ANKRD24: variants seen among roughly 807,000 people sequenced by gnomAD.
ANKRD24 encodes the protein ankyrin repeat domain-containing protein 24.
Under a neutral mutation model 127.8 loss-of-function variants are expected in ANKRD24, and 109 were observed. The observed-to-expected ratio is 0.85, with a 90% CI of 0.73 to 1.00. The LOEUF is 1.00. Ranked by LOEUF, ANKRD24 falls within the 50% of genes least tolerant of loss-of-function variation. The pLI is 0.00. For synonymous variants in ANKRD24, 743 were observed against 671.1 expected (o/e 1.11, Z -1.66); for missense variants, 1,648 against 1,570.2 (o/e 1.05, Z -0.84).
At position 4,217,167 on chromosome 19, in the gene ANKRD24, C is replaced by T. The variant is rs1970143544; in HGVS notation, c.2007C>T (p.Thr669=). ...AGQAEPPVTG[T]TNMEATGSRA... is the part of the protein sequence containing the mutation. The stretch of plus-strand genomic sequence containing the variant: ...AAGCAGAGCCCCCAGTCACAGGGAC[C>T]ACAAACATGGAGGCCACGGGCTCTA... The change falls in exon 18 of 22, where the codon ACC becomes ACT. Residue 669 remains threonine (T), a synonymous_variant. Coordinates refer to ENST00000318934, the MANE Select transcript of ANKRD24 (RefSeq NM_001393985.1). 3.7e-6 allele frequency: 6 copies of T among 1,612,916 alleles called. No homozygotes were observed. The South Asian group carries it at 5.5e-5, about 15-fold the overall frequency.
intron 2 of ANKRD24, among the ~76,000 whole-genome samples, chr19:4,191,600 G>A (rs987594247): frequency 5.3e-5 from 8 of 151,670 alleles, no homozygotes; most frequent in Non-Finnish European, 7.4e-5. Context: ...TCCTCTCTCA[G>A]CCTCCCGTGT....
intron 19 of ANKRD24, among the ~76,000 whole-genome samples, chr19:4,221,918 C>T (rs975471304): frequency 2.0e-5 from 3 of 152,184 alleles, no homozygotes; most frequent in Non-Finnish European, 2.9e-5. Context: ...TCCTCCAAGT[C>T]GTGACAACCA....
Position 4,216,179 on chromosome 19 carries a change from C to T in ANKRD24, c.1271-105C>T, listed in dbSNP as rs140402868. ...GTACTCATCCGTTTTTTAAATTCTG[C>T]TTGGCTGAGCCTGCCCTGGGAACCC... On this transcript the variant is annotated intron_variant, in intron 16 of 21. Transcript: ENST00000318934. 7.9e-5 allele frequency: 111 copies of T among 1,398,416 alleles called. No individual in the cohort carries two copies. The African/African-American group carries it at 1.5e-3, about 19-fold the overall frequency. 86.6% of individuals were successfully genotyped at this position (1,398,416 alleles called of 1,614,324 possible).
chr19:4,223,093 G>A (rs146950615), intron 20 of ANKRD24, among the ~76,000 whole-genome samples: 4,357 of 151,852 alleles, frequency 0.029, 207 homozygotes, highest in African/African-American at 0.1. Flanking sequence ...TTACAGGCAC[G>A]CACCACCACA....
At chr19:4,183,416 G>A (rs1967855200) in intron 1 of ANKRD24, 1 of 903,138 alleles carries the variant, frequency 1.1e-6, no homozygotes, top group South Asian at 5.1e-5. Flanking sequence ...GGGCACACTG[G>A]AGAGCAAAGG....
intron 5 of ANKRD24, 68 bp from the exon 6 acceptor site, chr19:4,201,958 T>C: frequency 7.2e-7 from 1 of 1,384,916 alleles, no homozygotes; most frequent in Admixed American, 1.7e-5. Context: ...GTAGTTGACA[T>C]GGCTTGGGGA....
At chr19:4,221,413 A>G (rs1198297743) in intron 19 of ANKRD24, among the ~76,000 whole-genome samples, 1 of 151,578 alleles carries the variant, frequency 6.6e-6, no homozygotes, top group Admixed American at 6.6e-5. Flanking sequence ...TTGTTTGGTA[A>G]GAGATGGGGT....
intron 5 of ANKRD24, 135 bp from the exon 6 acceptor site, chr19:4,201,891 A>G (rs1220250395): frequency 1.4e-5 from 10 of 740,588 alleles, no homozygotes; most frequent in Non-Finnish European, 2.1e-5. Context: ...CTGCAGGGAA[A>G]AAAGGAGAGA....
chr19:4,206,001 G>C (rs1030419761), intron 7 of ANKRD24, among the ~76,000 whole-genome samples: 18 of 151,280 alleles, frequency 1.2e-4, no homozygotes, highest in Admixed American at 6.6e-4. Flanking sequence ...AATTAGCCGG[G>C]TGTGGTGGCG....
intron 2 of ANKRD24, among the ~76,000 whole-genome samples, chr19:4,194,059 CT>C (rs1182793099): frequency 6.7e-6 from 1 of 149,960 alleles, no homozygotes; most frequent in Non-Finnish European, 1.5e-5. Flanking sequence ...ACTGTCTACA[CT>C]TTTTTCTTCA....
chr19:4,205,520 C>T (rs1009548238), intron 7 of ANKRD24, among the ~76,000 whole-genome samples: 3 of 152,152 alleles, frequency 2.0e-5, no homozygotes, highest in African/African-American at 4.8e-5. Flanking sequence ...CACTCTGGTC[C>T]TGGGCAAATG....
Position 4,216,535 on chromosome 19 carries a change from C to T in ANKRD24, c.1390-15C>T, listed in dbSNP as rs778783158. ...CAACTCCTGCCAGACTCCTGCCCCC[C>T]ACTCCACTCCCCAGATCCTGGAGAA... On this transcript the variant is annotated splice_polypyrimidine_tract_variant and intron_variant, in intron 17 of 21. Coordinates refer to ENST00000318934, the MANE Select transcript of ANKRD24 (RefSeq NM_001393985.1). 3 of 1,594,142 alleles carry T rather than the reference C, an allele frequency of 1.9e-6. No individual in the cohort carries two copies. Among genetic ancestry groups the T allele is most frequent in the South Asian group, 1.1e-5 (1 of 88,164 alleles).
At chr19:4,200,958 G>A (rs911950044) in intron 5 of ANKRD24, among the ~76,000 whole-genome samples, 1 of 152,182 alleles carries the variant, frequency 6.6e-6, no homozygotes, top group East Asian at 1.9e-4. Context: ...TGACTGAAGG[G>A]AACTGCTTGG....
At position 4,210,055 on chromosome 19, in the gene ANKRD24, C is replaced by A; in HGVS notation, c.871-3C>A. The A allele has an allele frequency of 6.2e-7, 1 of 1,608,880 alleles. No homozygotes were observed. Among genetic ancestry groups the A allele is most frequent in the Non-Finnish European group, 8.5e-7 (1 of 1,177,452 alleles). On this transcript the variant is annotated splice_polypyrimidine_tract_variant and splice_region_variant and intron_variant, in intron 11 of 21. Coordinates refer to ENST00000318934, the MANE Select transcript of ANKRD24 (RefSeq NM_001393985.1). ...CTTCACTCTCTCTCCCCTCCCTTCC[C>A]AGAACTCTATGTCCAGCCATGGAAA...
At position 4,216,969 on chromosome 19, in the gene ANKRD24, G is replaced by A. The variant is rs755262999; in HGVS notation, c.1809G>A (p.Gly603=). 5 of 1,612,576 alleles carry A rather than the reference G, an allele frequency of 3.1e-6. No individual in the cohort carries two copies. The highest frequency in any genetic ancestry group is 1.7e-5 in the Admixed American group (1 of 59,662). ...GAKVTETKPT[G]AEVREMETTE... The stretch of plus-strand genomic sequence containing the variant: ...AGGTCACAGAAACAAAACCCACAGG[G>A]GCTGAGGTCAGAGAAATGGAGACCA... The change falls in exon 18 of 22, where the codon GGG becomes GGA. Residue 603 remains glycine (G), a synonymous_variant. Coordinates refer to ENST00000318934, the MANE Select transcript of ANKRD24 (RefSeq NM_001393985.1).
rs778215536 is a variant in ANKRD24 at position 4,199,794 on chromosome 19, A to T, written c.123+25A>T. On this transcript the variant is annotated intron_variant, in intron 3 of 21. Coordinates refer to ENST00000318934, the MANE Select transcript of ANKRD24 (RefSeq NM_001393985.1). This position sits in a 1 kb window ranked among gnomAD's most constrained non-coding sequence, Gnocchi z 5.2. ...GGCAAGTGCCCAGGGGCAGGTGGTG[A>T]GAGCCCGGAGCCCCTGTCGGGGGCG... 1.3e-6 allele frequency: 2 copies of T among 1,524,090 alleles called. No individual in the cohort carries two copies. The highest frequency in any genetic ancestry group is 2.4e-5 in the South Asian group (2 of 83,126). 94.4% of individuals were successfully genotyped at this position (1,524,090 alleles called of 1,614,324 possible).
Position 4,200,189 on chromosome 19 carries a change from C to T in ANKRD24, c.343+18C>T, listed in dbSNP as rs1198848450. ...CGGGGCAGGTACTGCCAGCTGGGCC[C>T]CGGGGAGGGAGGAGGAACTAAGCCC... On this transcript the variant is annotated intron_variant, in intron 5 of 21. Transcript: ENST00000318934. 3.8e-6 allele frequency: 6 copies of T among 1,580,374 alleles called. No individual in the cohort carries two copies. The highest frequency in any genetic ancestry group is 4.3e-6 in the Non-Finnish European group (5 of 1,165,158).
chr19:4,196,493 A>G (rs8110464), intron 2 of ANKRD24, among the ~76,000 whole-genome samples: 57,537 of 151,830 alleles, frequency 0.38, 11,358 homozygotes, highest in Middle Eastern at 0.44. Context: ...CTCCTGCCTC[A>G]CTTCCTGAGT....
chr19:4,203,111 G>A (rs1353577830), intron 7 of ANKRD24, among the ~76,000 whole-genome samples, 185 bp downstream of exon 7: 2 of 150,922 alleles, frequency 1.3e-5, no homozygotes, highest in Non-Finnish European at 3.0e-5. Context: ...GCAGTGGCAA[G>A]ATCTCAGCTC....
Sources: gnomAD v4.1 joint callset for allele counts (sites outside exome capture counted in the v4.1 genomes callset) on GRCh38, gnomAD v4.1.1 for gene constraint, Gnocchi (gnomAD v3.1) non-coding constraint, MANE v1.5 for transcripts, NCBI Gene and HGNC (gene_info 2026-07-23, HGNC 2026-07-21) for gene names.